The following CLVS1 variants were observed in gnomAD, a reference collection of about 807,000 sequenced individuals.
CLVS1 encodes clavesin-1.
CLVS1 carries 10 observed loss-of-function variants against 33.1 expected under a neutral mutation model. That is an observed-to-expected ratio of 0.30 (90% CI 0.19 to 0.51). The LOEUF (loss-of-function observed/expected upper bound fraction) is 0.51. Ranked by LOEUF, CLVS1 falls within the 20% of genes least tolerant of loss-of-function variation. The probability of loss-of-function intolerance (pLI) is 0.97; values close to 1 mark genes in which losing one functional copy is unlikely to be tolerated. For missense variants in CLVS1, 343 were observed against 433.4 expected, an observed-to-expected ratio of 0.79 and a Z score of 1.85; for synonymous variants, 163 against 166.1, an observed-to-expected ratio of 0.98 and a Z score of 0.14.
chr8:61,445,679 A>G (rs974507143), intron 3 of CLVS1, among the ~76,000 whole-genome samples: 1 of 152,232 alleles, frequency 6.6e-6, no homozygotes, highest in Non-Finnish European at 1.5e-5. Flanking sequence ...TACTAGCTTC[A>G]TAAACCAACT....
In CLVS1 at chr8:61,232,951, A is replaced by G. The variant is rs141369842; in HGVS notation, c.-151-66726A>G. Among the ~76,000 whole-genome samples, 370 of 152,392 alleles carry G rather than the reference A, an allele frequency of 2.4e-3. 3 individuals carry two copies. The highest frequency in any genetic ancestry group is 1.9e-3 in the Non-Finnish European group (128 of 68,040). On this transcript the variant is annotated intron_variant, in intron 2 of 2. Coordinates refer to the CLVS1 transcript ENST00000522621. Reference sequence around the variant, plus strand: ...CATCTGTTTCCTAGAATCTTTGGAAAATAATACATAAAAACCATATAACCA... The same window carrying G: ...CATCTGTTTCCTAGAATCTTTGGAAGATAATACATAAAAACCATATAACCA...
intron 1 of CLVS1, among the ~76,000 whole-genome samples, chr8:61,129,031 C>A (rs1298692097): frequency 2.6e-5 from 4 of 152,284 alleles, no homozygotes; most frequent in East Asian, 3.9e-4. Flanking sequence ...ATGGTGTTCA[C>A]CGAGTCTTAT....
chr8:61,113,382 A>G (rs920413770), intron 1 of CLVS1, among the ~76,000 whole-genome samples: 1 of 152,188 alleles, frequency 6.6e-6, no homozygotes, highest in South Asian at 2.1e-4. Flanking sequence ...AGTGGTGCAG[A>G]TGGGTCCAAC....
At chr8:61,296,824 C>A (rs1162079375) in intron 1 of CLVS1, among the ~76,000 whole-genome samples, 1 of 152,170 alleles carries the variant, frequency 6.6e-6, no homozygotes, top group Non-Finnish European at 1.5e-5. Context: ...AATGAAGTCG[C>A]TCTGCCCATG....
chr8:61,485,101 A>T (rs1019312882), intron 5 of CLVS1, among the ~76,000 whole-genome samples: 1 of 151,818 alleles, frequency 6.6e-6, no homozygotes, highest in African/African-American at 2.4e-5. Flanking sequence ...AATGGTATCT[A>T]ATTAAACTAA....
At chr8:61,249,188 GT>G (rs1375082201) in intron 2 of CLVS1, among the ~76,000 whole-genome samples, 2 of 152,068 alleles carry the variant, frequency 1.3e-5, no homozygotes, top group Non-Finnish European at 2.9e-5. Context: ...TTCTGTCCCA[GT>G]GTTAATTTGC....
At chr8:61,143,714 A>T (rs1268916833) in intron 2 of CLVS1, among the ~76,000 whole-genome samples, 1 of 149,510 alleles carries the variant, frequency 6.7e-6, no homozygotes, top group African/African-American at 2.4e-5. Flanking sequence ...TCTATGCTGG[A>T]TCTTCTTTGC....
At chr8:61,246,629 C>T (rs4033249) in intron 2 of CLVS1, among the ~76,000 whole-genome samples, 11,598 of 152,092 alleles carry the variant, frequency 0.076, 599 homozygotes, top group East Asian at 0.16. Flanking sequence ...CTTCTATCTG[C>T]AGTCCTTTTC....
rs370400284 is a variant in CLVS1 at position 61,089,979 on chromosome 8, A to G, written c.-243+32749A>G. 7.9e-5 allele frequency among the ~76,000 whole-genome samples: 12 copies of G among 152,302 alleles called. No homozygotes were observed. In the South Asian group the frequency reaches 1.5e-3, roughly 18 times the overall value. On this transcript the variant is annotated intron_variant, in intron 1 of 2. Transcript: ENST00000522621. ...GGAAGCAGGTTCCATGACTTCATTT[A>G]CCATCTAATGCTAATTTGGTTGCCT... is the stretch of plus-strand genomic sequence containing the variant.
intron 3 of CLVS1, among the ~76,000 whole-genome samples, chr8:61,445,730 T>C (rs1816737857): frequency 2.0e-5 from 3 of 152,254 alleles, no homozygotes; most frequent in African/African-American, 7.2e-5. Context: ...AAAGAGACTC[T>C]GTAAAATTAG....
At chr8:61,417,608 AAATT>A (rs1563544298) in intron 3 of CLVS1, among the ~76,000 whole-genome samples, 1 of 152,248 alleles carries the variant, frequency 6.6e-6, no homozygotes, top group Non-Finnish European at 1.5e-5. Context: ...CTCAGTATAT[AAATT>A]AATTTTTACT....
At chr8:61,211,484 C>T (rs1415310730) in intron 2 of CLVS1, among the ~76,000 whole-genome samples, 1 of 151,928 alleles carries the variant, frequency 6.6e-6, no homozygotes, top group African/African-American at 2.4e-5. Flanking sequence ...CCCCTCTCCT[C>T]CTCCTCTTCC....
rs35852094 is a variant in CLVS1, at chr8:61,222,931, CTTT to C, written c.-151-76734_-151-76732del. 1.9e-3 allele frequency among the ~76,000 whole-genome samples: 260 copies of C among 134,912 alleles called. 1 individual carries two copies. Among genetic ancestry groups the C allele is most frequent in the East Asian group, 5.5e-3 (25 of 4,572 alleles). 88.5% of individuals were successfully genotyped at this position (134,912 alleles called of 152,430 possible). A position where few individuals can be genotyped will look rare whatever the true frequency, so the allele number is the denominator to read the frequency against. ...ACCATTATGTAATGCCCTTTTTTGT[CTTT>C]TTTTTTTTTTTATCTTTGTTGGTTT... On this transcript the variant is annotated intron_variant, in intron 2 of 2. Coordinates refer to the CLVS1 transcript ENST00000522621.
chr8:61,476,266 A>T (rs1326563022), intron 5 of CLVS1, among the ~76,000 whole-genome samples: 1 of 152,130 alleles, frequency 6.6e-6, no homozygotes, highest in East Asian at 1.9e-4. Context: ...CTTAGGATTG[A>T]CTTGGCAATG....
chr8:61,023,438 A>G, the CLVS1 span, among the ~76,000 whole-genome samples: 1 of 152,250 alleles, frequency 6.6e-6, no homozygotes, highest in African/African-American at 2.4e-5. Flanking sequence ...TAGAAGCGAT[A>G]AAACCTAAAT....
chr8:61,454,263 A>T lies in CLVS1; in HGVS notation c.741+12A>T, dbSNP rs1416244050. On this transcript the variant is annotated intron_variant, in intron 4 of 5. Transcript: ENST00000325897. ...AGACCAGGAAACGGGTAATGAAAAC[A>T]AATGCATCATGTAAATTCCTGGTAC... The T allele has an allele frequency of 1.3e-6, 2 of 1,568,144 alleles. No individual in the cohort carries two copies. Among genetic ancestry groups the T allele is most frequent in the Non-Finnish European group, 8.8e-7 (1 of 1,138,070 alleles).
intron 2 of CLVS1, among the ~76,000 whole-genome samples, chr8:61,164,218 G>T (rs7822608): frequency 0.26 from 39,627 of 152,086 alleles, 5,443 homozygotes; most frequent in African/African-American, 0.33. Context: ...CCAACTAGGC[G>T]TAGGAATTCT....
intron 1 of CLVS1, among the ~76,000 whole-genome samples, chr8:61,120,391 T>C (rs1805831494): frequency 1.5e-5 from 2 of 129,532 alleles, no homozygotes; most frequent in African/African-American, 6.3e-5. Context: ...TCATTCTCCA[T>C]CCAGCTTTGT....
chr8:61,084,287 A>C (rs764343998), intron 1 of CLVS1, among the ~76,000 whole-genome samples: 10 of 152,216 alleles, frequency 6.6e-5, no homozygotes, highest in Non-Finnish European at 1.5e-4. Flanking sequence ...AAACCTGGAC[A>C]ACTAGACAAC....
Sources: allele counts gnomAD v4.1 joint callset (sites outside exome capture counted in the v4.1 genomes callset), GRCh38; gene constraint gnomAD v4.1.1; transcripts MANE v1.5; gene names NCBI Gene and HGNC (gene_info 2026-07-23, HGNC 2026-07-21).